OTUB2: variants seen among roughly 807,000 people sequenced by gnomAD.
OTUB2 encodes ubiquitin thioesterase OTUB2.
In OTUB2, 21 loss-of-function variants were observed where a neutral mutation model predicts 25.1. That is an observed-to-expected ratio of 0.84 (90% CI 0.59 to 1.21). The LOEUF (loss-of-function observed/expected upper bound fraction) is 1.21. Ranked by LOEUF, OTUB2 falls within the 50% of genes most tolerant of loss-of-function variation. The pLI is 0.00. For missense variants in OTUB2, 283 were observed against 298.0 expected (o/e 0.95, Z 0.37); for synonymous variants, 122 against 122.8 (o/e 0.99, Z 0.04).
intron 5 of OTUB2, among the ~76,000 whole-genome samples, chr14:94,045,283 C>CT (rs1175324135): frequency 2.5e-4 from 38 of 152,156 alleles, no homozygotes; most frequent in Non-Finnish European, 1.5e-5. Flanking sequence ...CTTCCATCGT[C>CT]TCTGCAGCAC....
chr14:94,027,354 C>A (rs1022337181), intron 1 of OTUB2, among the ~76,000 whole-genome samples: 5 of 152,172 alleles, frequency 3.3e-5, no homozygotes, highest in African/African-American at 1.2e-4. Flanking sequence ...GGTCAGGCAT[C>A]CTGCAGGGGA....
rs893708658 is a variant in OTUB2, at chr14:94,037,319, G to A, written c.4-61G>A. ...CCGGCAGTTCAGAGGCCACCAGCTC[G>A]GGGAGTCCCGTCCGTTGCTTTTGAA... is the stretch of plus-strand genomic sequence containing the variant. On this transcript the variant is annotated intron_variant, in intron 1 of 5. Coordinates refer to ENST00000203664, the MANE Select transcript of OTUB2 (RefSeq NM_023112.4). 25 of 1,239,852 alleles carry A rather than the reference G, an allele frequency of 2.0e-5. 1 individual carries two copies. The highest frequency in any genetic ancestry group is 1.2e-4 in the South Asian group (9 of 77,562). 76.8% of individuals were successfully genotyped at this position (1,239,852 alleles called of 1,614,324 possible). A position where few individuals can be genotyped will look rare whatever the true frequency, so the allele number is the denominator to read the frequency against.
At chr14:94,028,627 C>T (rs1020069107) in intron 1 of OTUB2, among the ~76,000 whole-genome samples, 2 of 152,238 alleles carry the variant, frequency 1.3e-5, no homozygotes, top group African/African-American at 4.8e-5. Context: ...ATTTGTCAAA[C>T]AGGCCCCCAG....
chr14:94,028,053 A>C (rs1169510242), intron 1 of OTUB2, among the ~76,000 whole-genome samples: 1 of 152,228 alleles, frequency 6.6e-6, no homozygotes, highest in Non-Finnish European at 1.5e-5. Flanking sequence ...TCTTTGTGCC[A>C]TGCAGTGAGG....
intron 1 of OTUB2, among the ~76,000 whole-genome samples, chr14:94,029,369 CT>C (rs1466796753): frequency 2.0e-5 from 3 of 152,286 alleles, no homozygotes; most frequent in South Asian, 2.1e-4. Flanking sequence ...AGGCTGGAAG[CT>C]CCAGATCAAG....
At chr14:94,041,652 T>A (rs1412116690) in intron 3 of OTUB2, among the ~76,000 whole-genome samples, 4 of 151,928 alleles carry the variant, frequency 2.6e-5, no homozygotes, top group Non-Finnish European at 5.9e-5. Flanking sequence ...ACCAACGCCC[T>A]CCACACCAGG....
In OTUB2 at chr14:94,046,168, G is replaced by A. The variant is rs1224680554; in HGVS notation, c.*246G>A. 8.5e-6 allele frequency: 5 copies of A among 586,564 alleles called. No homozygotes were observed. The highest frequency in any genetic ancestry group is 2.9e-5 in the East Asian group (1 of 34,880). 36.3% of individuals were successfully genotyped at this position (586,564 alleles called of 1,614,324 possible). On this transcript the variant is annotated 3_prime_UTR_variant, in exon 6 of 6. Transcript: ENST00000203664. Reference sequence around the variant, plus strand: ...GGCCCCCGACTCCGCACCCCAGTTCGCAGTGAGGCCCTGGGTGGGTCACCT... The same window carrying A: ...GGCCCCCGACTCCGCACCCCAGTTCACAGTGAGGCCCTGGGTGGGTCACCT...
At chr14:94,043,917 T>TCA in intron 3 of OTUB2, 54 bp from the exon 4 acceptor site, 1 of 1,517,984 alleles carries the variant, frequency 6.6e-7, no homozygotes, top group South Asian at 1.1e-5. Flanking sequence ...CAGTTGCCAA[T>TCA]CACAGCACTC....
In OTUB2 at chr14:94,039,045, T is replaced by A; in HGVS notation, c.182T>A (p.Leu61Gln). The stretch of plus-strand genomic sequence containing the variant: ...TACAGGGCCTTGGGCTATTCCTACC[T>A]GGAGTCCCTGCTGGGGAAGAGCAGG... ...CFYRALGYSY[L>Q]ESLLGKSREI... Residue 61 changes from leucine (L) to glutamine (Q), a missense_variant, in exon 3 of 6, where the codon CTG becomes CAG. Coordinates refer to ENST00000203664, the MANE Select transcript of OTUB2 (RefSeq NM_023112.4). 3 of 1,614,144 alleles carry A rather than the reference T, an allele frequency of 1.9e-6. No homozygotes were observed. The highest frequency in any genetic ancestry group is 2.5e-6 in the Non-Finnish European group (3 of 1,180,026).
At chr14:94,041,252 G>A (rs1246247858) in intron 3 of OTUB2, among the ~76,000 whole-genome samples, 1 of 152,152 alleles carries the variant, frequency 6.6e-6, no homozygotes, top group Non-Finnish European at 1.5e-5. Flanking sequence ...GAAGCCGTTT[G>A]CTGCAAAGGA....
intron 3 of OTUB2, among the ~76,000 whole-genome samples, chr14:94,042,131 C>G (rs996253015): frequency 7.2e-5 from 11 of 152,252 alleles, no homozygotes; most frequent in African/African-American, 2.2e-4. Context: ...TAGAAGTATG[C>G]GAAGTACTTG....
intron 3 of OTUB2, among the ~76,000 whole-genome samples, chr14:94,043,736 G>A (rs1302706866): frequency 6.6e-6 from 1 of 152,316 alleles, no homozygotes; most frequent in South Asian, 2.1e-4. Flanking sequence ...TTGTCGTATC[G>A]TCTTTCCACC....
At chr14:94,031,412 A>G (rs982784686) in intron 1 of OTUB2, among the ~76,000 whole-genome samples, 15 of 152,152 alleles carry the variant, frequency 9.9e-5, no homozygotes, top group Admixed American at 9.8e-4. Flanking sequence ...TAATGTGGGC[A>G]GGTTTCAGGT....
intron 3 of OTUB2, among the ~76,000 whole-genome samples, chr14:94,043,382 G>C (rs1010779915): frequency 1.3e-5 from 2 of 152,228 alleles, no homozygotes; most frequent in African/African-American, 4.8e-5. Context: ...CTAAACTTGG[G>C]AGTGTCCTGG....
chr14:94,042,573 C>T (rs1885184383), intron 3 of OTUB2, among the ~76,000 whole-genome samples: 1 of 152,160 alleles, frequency 6.6e-6, no homozygotes, highest in Non-Finnish European at 1.5e-5. Flanking sequence ...GAAGAGGGTG[C>T]CGGCCCTTGG....
At chr14:94,039,935 C>T (rs1347914165) in intron 3 of OTUB2, among the ~76,000 whole-genome samples, 1 of 152,096 alleles carries the variant, frequency 6.6e-6, no homozygotes, top group Non-Finnish European at 1.5e-5. Context: ...GCAGGTTTCT[C>T]AACGGCGGCA....
intron 1 of OTUB2, among the ~76,000 whole-genome samples, chr14:94,034,294 A>T (rs1885011133): frequency 6.6e-6 from 1 of 152,188 alleles, no homozygotes; most frequent in African/African-American, 2.4e-5. Flanking sequence ...AGCCCCCAGG[A>T]TCAGGAGCTG....
chr14:94,026,404 A>T lies in OTUB2; in HGVS notation c.-134A>T, dbSNP rs898402627. The T allele has an allele frequency of 9.4e-6, 12 of 1,278,560 alleles. No individual in the cohort carries two copies. In the Admixed American group the frequency reaches 3.8e-4, roughly 40 times the overall value. The allele number at this position is 1,278,560 out of a possible 1,614,324, so 79.2% of individuals were successfully genotyped here. ...TTTGGTTTGCGGAGCGGTCGGGTGT[A>T]TTCTCCGCCGCCCCCACGCCCTCGA... On this transcript the variant is annotated 5_prime_UTR_variant, in exon 1 of 6. Coordinates refer to ENST00000203664, the MANE Select transcript of OTUB2 (RefSeq NM_023112.4).
chr14:94,029,080 C>T (rs371521855), intron 1 of OTUB2, among the ~76,000 whole-genome samples: 1 of 152,136 alleles, frequency 6.6e-6, no homozygotes, highest in South Asian at 2.1e-4. Context: ...ATGTTCTGTG[C>T]AGGGCCTCAC....
Sources: gnomAD v4.1 joint callset for allele counts (sites outside exome capture counted in the v4.1 genomes callset) on GRCh38, gnomAD v4.1.1 for gene constraint, MANE v1.5 for transcripts, NCBI Gene and HGNC (gene_info 2026-07-23, HGNC 2026-07-21) for gene names.